The following RTEL1 variants were observed in gnomAD, a reference collection of about 807,000 sequenced individuals.
The protein encoded by RTEL1 is regulator of telomere length.
Under a neutral mutation model 162.2 loss-of-function variants are expected in RTEL1, and 86 were observed. The ratio of observed to expected loss-of-function variants is 0.53; its 90% CI spans 0.45 to 0.63. RTEL1 has a LOEUF of 0.63. Ranked by LOEUF, RTEL1 falls within the 30% of genes least tolerant of loss-of-function variation. RTEL1 has a pLI of 0.00. For synonymous variants in RTEL1, 958 were observed against 717.9 expected (o/e 1.33, Z -5.35); for missense variants, 1,941 against 1,750.2 (o/e 1.11, Z -1.95).
Position 63,695,756 on chromosome 20 carries a change from C to T in RTEL1, c.3823-22C>T, listed in dbSNP as rs757099297. The T allele has an allele frequency of 3.1e-6, 5 of 1,588,572 alleles. No homozygotes were observed. The South Asian group carries it at 4.5e-5, about 14-fold the overall frequency. On this transcript the variant is annotated intron_variant, in intron 34 of 34. Transcript: ENST00000360203. ...GGTGGCAACGCCTGGCAGACGTGTGCAGTGGGCCGGTTGTCTCACAGGCCT... is the reference window on the plus strand; with the variant it reads ...GGTGGCAACGCCTGGCAGACGTGTGTAGTGGGCCGGTTGTCTCACAGGCCT...
chr20:63,691,084 G>A lies in RTEL1; in HGVS notation c.2556+137G>A, dbSNP rs6011032. The A allele has an allele frequency of 1.0e-4, 98 of 980,740 alleles. 1 individual carries two copies. The highest frequency in any genetic ancestry group is 8.5e-4 in the South Asian group (49 of 57,530). The allele number at this position is 980,740 out of a possible 1,614,324, so 60.8% of individuals were successfully genotyped here. On this transcript the variant is annotated intron_variant, in intron 27 of 34. Transcript: ENST00000360203. ...CTGGCAGGCAGGCGGGCAAGCGGGC[G>A]GGGGATCCCAGCTGCCTGGCTGTCT...
intron 12 of RTEL1, among the ~76,000 whole-genome samples, chr20:63,678,606 C>CGAACAGCACACACACTCCCAT (rs2090408620): frequency 7.2e-6 from 1 of 139,238 alleles, no homozygotes; most frequent in African/African-American, 2.8e-5. Flanking sequence ...CACACTCCCA[C>CGAACAGCACACACACTCCCAT]GAACAGCACA....
At chr20:63,663,645 C>T (rs1028549910) in intron 6 of RTEL1, among the ~76,000 whole-genome samples, 1 of 152,204 alleles carries the variant, frequency 6.6e-6, no homozygotes, top group Admixed American at 6.5e-5. Context: ...TTTCTGTGAC[C>T]TGAGGGTGGC....
At chr20:63,685,431 G>C in intron 14 of RTEL1, 92 bp from the exon 15 acceptor site, 1 of 1,306,830 alleles carries the variant, frequency 7.7e-7, no homozygotes, top group South Asian at 1.3e-5. Context: ...TGACCCCTGG[G>C]TGTCCTGTGA....
intron 6 of RTEL1, 82 bp from the exon 7 acceptor site, chr20:63,665,922 C>T (rs997401018): frequency 1.6e-4 from 217 of 1,315,734 alleles, no homozygotes; most frequent in Non-Finnish European, 2.2e-4. Flanking sequence ...GTGTAGGAGC[C>T]GTTCTGTCCT....
intron 12 of RTEL1, among the ~76,000 whole-genome samples, chr20:63,678,903 C>CTGT (rs1243003446): frequency 6.6e-6 from 1 of 150,928 alleles, no homozygotes; most frequent in Non-Finnish European, 1.5e-5. Context: ...ACAGACAGCA[C>CTGT]ACACACACCC....
intron 12 of RTEL1, among the ~76,000 whole-genome samples, chr20:63,679,143 C>T (rs1452228662): frequency 1.3e-5 from 2 of 152,306 alleles, no homozygotes; most frequent in Non-Finnish European, 2.9e-5. Context: ...GCAGCCAGGG[C>T]AGCAGGGTTT....
Position 63,690,312 on chromosome 20 carries a change from C to CG in RTEL1, c.2287dup (p.Ala763GlyfsTer28). 1 of 1,607,738 alleles carries CG rather than the reference C, an allele frequency of 6.2e-7. No homozygotes were observed. The highest frequency in any genetic ancestry group is 8.5e-7 in the Non-Finnish European group (1 of 1,176,522). ...TCTGCAGATGCCAGCGCCGGCCCCC[C>CG]GGGCTACAGCACCCAGTGTGCGTGG... On this transcript the variant is annotated frameshift_variant, in exon 26 of 35. Transcript: ENST00000360203. LOFTEE classifies it high-confidence loss of function.
chr20:63,694,311 C>CCCCCCCCGG, intron 30 of RTEL1, 61 bp from the exon 31 acceptor site: 1 of 1,054,854 alleles, frequency 9.5e-7, no homozygotes, highest in Non-Finnish European at 1.5e-6. Flanking sequence ...CCTGCCCCCC[C>CCCCCCCCGG]ACCCCAGGGA....
Position 63,663,535 on chromosome 20 carries a change from A to G in RTEL1, c.538+646A>G, listed in dbSNP as rs1601089763. Among the ~76,000 whole-genome samples, 4 of 152,182 alleles carry G rather than the reference A, an allele frequency of 2.6e-5. No individual in the cohort carries two copies. The South Asian group carries it at 8.3e-4, about 32-fold the overall frequency. On this transcript the variant is annotated intron_variant, in intron 6 of 34. Transcript: ENST00000360203. Reference sequence around the variant, plus strand: ...CTGTGAGGGCCGGGGGTGCTTCTCCACCCACGTGGCTGCCCCTCGGGTATG... The same window carrying G: ...CTGTGAGGGCCGGGGGTGCTTCTCCGCCCACGTGGCTGCCCCTCGGGTATG...
intron 31 of RTEL1, 67 bp downstream of exon 31, chr20:63,694,555 A>T (rs554473707): frequency 7.3e-7 from 1 of 1,377,012 alleles, no homozygotes; most frequent in East Asian, 2.3e-5. Flanking sequence ...CACGAGGCTA[A>T]CTCTTGAGTG....
rs866785110 is a variant in RTEL1, at chr20:63,662,859, C to G, written c.508C>G (p.Arg170Gly). ...IHLCRKKVASRSCHFYNNVEE... is the reference protein window; with the variant it reads ...IHLCRKKVASGSCHFYNNVEE... ...CTTGTGCCGTAAGAAGGTGGCAAGT[C>G]GCTCCTGTCATTTCTACAACAACGT... The change falls in exon 6 of 35, where the codon CGC becomes GGC. Residue 170 changes from arginine (R) to glycine (G), a missense_variant. Arg to Gly is a moderately radical substitution (Grantham distance 125, BLOSUM62 -2). Transcript: ENST00000360203. The G allele has an allele frequency of 1.9e-6, 3 of 1,613,876 alleles. No individual in the cohort carries two copies. The highest frequency in any genetic ancestry group is 2.7e-5 in the African/African-American group (2 of 74,934).
intron 8 of RTEL1, among the ~76,000 whole-genome samples, chr20:63,671,297 C>T (rs6011016): frequency 6.6e-6 from 1 of 151,816 alleles, no homozygotes; most frequent in East Asian, 2.0e-4. Context: ...CTGACCTTGT[C>T]ATCCACTCAC....
intron 24 of RTEL1, 46 bp downstream of exon 24, chr20:63,689,911 C>T (rs2090687549): frequency 1.3e-6 from 2 of 1,563,210 alleles, no homozygotes; most frequent in Middle Eastern, 1.7e-4. Context: ...GACACGCCCA[C>T]ACCCCACTGG....
At position 63,696,143 on chromosome 20, in the gene RTEL1, A is replaced by T. The variant is rs2090975075; in HGVS notation, c.*285A>T. On this transcript the variant is annotated 3_prime_UTR_variant, in exon 35 of 35. Transcript: ENST00000360203. ...GGCCTGTGAGTGGTGCCACAGGGGC[A>T]CCCCAGCTGAGCCCCTCACCGGGAA... is the stretch of plus-strand genomic sequence containing the variant. The T allele has an allele frequency of 2.0e-6, 1 of 498,042 alleles. No individual in the cohort carries two copies. Among genetic ancestry groups the T allele is most frequent in the African/African-American group, 2.0e-5 (1 of 51,074 alleles). 30.9% of individuals were successfully genotyped at this position (498,042 alleles called of 1,614,324 possible). A position where few individuals can be genotyped will look rare whatever the true frequency, so the allele number is the denominator to read the frequency against.
chr20:63,694,190 C>T (rs1388018721), intron 30 of RTEL1, 182 bp from the exon 31 acceptor site: 1 of 617,582 alleles, frequency 1.6e-6, no homozygotes, highest in South Asian at 1.9e-5. Flanking sequence ...TGTTCCAGCC[C>T]CCATCCAGCA....
rs2145448709 is a variant in RTEL1 at position 63,693,167 on chromosome 20, A to G, written c.2876A>G (p.His959Arg). 1 of 1,612,132 alleles carries G rather than the reference A, an allele frequency of 6.2e-7. No homozygotes were observed. Among genetic ancestry groups the G allele is most frequent in the Non-Finnish European group, 8.5e-7 (1 of 1,179,544 alleles). ...GGCTTCTACCAGTTTGTGCGGCCCC[A>G]CCATAAGCAGCAGTTTGAGGAGGTC... ...LQGFYQFVRP[H>R]HKQQFEEVCI... Residue 959 changes from histidine to arginine, a missense_variant, in exon 30 of 35, where the codon CAC becomes CGC. Coordinates refer to ENST00000360203, the MANE Select transcript of RTEL1 (RefSeq NM_001283009.2).
Position 63,695,775 on chromosome 20 carries a change from C to A in RTEL1, c.3823-3C>A. The A allele has an allele frequency of 3.8e-6, 6 of 1,590,284 alleles. No individual in the cohort carries two copies. The highest frequency in any genetic ancestry group is 5.1e-6 in the Non-Finnish European group (6 of 1,169,070). ...CGTGTGCAGTGGGCCGGTTGTCTCA[C>A]AGGCCTCTAGGATGTGCCCAGCCTG... On this transcript the variant is annotated splice_polypyrimidine_tract_variant and splice_region_variant and intron_variant, in intron 34 of 34. Coordinates refer to ENST00000360203, the MANE Select transcript of RTEL1 (RefSeq NM_001283009.2).
chr20:63,662,703 G>A (rs902898317), intron 5 of RTEL1, 76 bp downstream of exon 5: 7 of 1,603,572 alleles, frequency 4.4e-6, no homozygotes, highest in South Asian at 3.3e-5. Flanking sequence ...CCCAGGCTGC[G>A]CTCCCGCTGG....
Sources: allele counts gnomAD v4.1 joint callset (sites outside exome capture counted in the v4.1 genomes callset), GRCh38; gene constraint gnomAD v4.1.1; transcripts MANE v1.5; gene names NCBI Gene and HGNC (gene_info 2026-07-23, HGNC 2026-07-21).